SNX9: variants seen among roughly 807,000 people sequenced by gnomAD.
SNX9 encodes the protein sorting nexin-9.
Under a neutral mutation model 89.4 loss-of-function variants are expected in SNX9, and 44 were observed. The ratio of observed to expected loss-of-function variants is 0.49; its 90% CI spans 0.39 to 0.63. The LOEUF (loss-of-function observed/expected upper bound fraction) is 0.63. SNX9 is among the 30% of genes least tolerant of loss of function. The pLI is 0.00. For synonymous variants in SNX9, 236 were observed against 247.8 expected (o/e 0.95, Z 0.45); for missense variants, 578 against 736.1 (o/e 0.79, Z 2.49).
intron 16 of SNX9, 54 bp from the exon 17 acceptor site, chr6:157,940,826 GTGT>G: frequency 1.4e-6 from 2 of 1,455,692 alleles, no homozygotes; most frequent in Non-Finnish European, 1.9e-6. Context: ...GAGAAACCAG[GTGT>G]TGTCATTTGA....
chr6:157,922,874 A>G (rs558659137), intron 10 of SNX9, among the ~76,000 whole-genome samples: 1 of 152,242 alleles, frequency 6.6e-6, no homozygotes, highest in Non-Finnish European at 1.5e-5. Context: ...CTTTGAATTC[A>G]GTAAATATTT....
intron 4 of SNX9, among the ~76,000 whole-genome samples, chr6:157,875,979 C>T (rs908575980): frequency 4.7e-5 from 7 of 148,430 alleles, no homozygotes; most frequent in African/African-American, 1.7e-4. Flanking sequence ...CATCTCCACA[C>T]GTTAAAAAAA....
At chr6:157,841,870 T>C (rs1396154069) in intron 1 of SNX9, among the ~76,000 whole-genome samples, 1 of 152,224 alleles carries the variant, frequency 6.6e-6, no homozygotes, top group Admixed American at 6.5e-5. Flanking sequence ...TTTAACTTTT[T>C]ATTTATAAAA....
At chr6:157,826,502 G>GCA (rs1554290484) in intron 1 of SNX9, among the ~76,000 whole-genome samples, 2 of 78,006 alleles carry the variant, frequency 2.6e-5, no homozygotes, top group African/African-American at 8.4e-5. Flanking sequence ...TCCATCTCAA[G>GCA]AAAAAAAAAA....
At chr6:157,869,282 G>A (rs918145772) in intron 2 of SNX9, among the ~76,000 whole-genome samples, 6 of 152,014 alleles carry the variant, frequency 3.9e-5, no homozygotes, top group African/African-American at 1.2e-4. Context: ...TTGTATTGCC[G>A]TCTCTGTGGT....
At chr6:157,872,877 T>G (rs1414412948) in intron 2 of SNX9, 2 of 372,382 alleles carry the variant, frequency 5.4e-6, no homozygotes, top group Non-Finnish European at 9.7e-6. Flanking sequence ...TTTCAATCTT[T>G]GATCACTTAT....
At chr6:157,835,788 G>A (rs928494090) in intron 1 of SNX9, among the ~76,000 whole-genome samples, 11 of 152,046 alleles carry the variant, frequency 7.2e-5, no homozygotes, top group Non-Finnish European at 1.3e-4. Context: ...GGTTCATGAG[G>A]CCTCCCTAGC....
intron 4 of SNX9, among the ~76,000 whole-genome samples, chr6:157,891,883 C>T (rs553740759): frequency 2.6e-5 from 4 of 152,268 alleles, no homozygotes; most frequent in Admixed American, 2.0e-4. Context: ...TTTGAAGCTT[C>T]AGAGTGAAGG....
chr6:157,840,012 A>G (rs1339408293), intron 1 of SNX9, among the ~76,000 whole-genome samples: 1 of 152,156 alleles, frequency 6.6e-6, no homozygotes, highest in African/African-American at 2.4e-5. Flanking sequence ...AAAACAAGAA[A>G]GCCTCACTGG....
intron 1 of SNX9, among the ~76,000 whole-genome samples, chr6:157,826,587 A>G (rs1379569634): frequency 6.7e-6 from 1 of 149,816 alleles, no homozygotes; most frequent in Non-Finnish European, 1.5e-5. Flanking sequence ...CTTACTCAGT[A>G]GAGTGCTGCA....
chr6:157,864,957 G>A (rs997564789), intron 1 of SNX9, among the ~76,000 whole-genome samples: 1 of 152,098 alleles, frequency 6.6e-6, no homozygotes, highest in Non-Finnish European at 1.5e-5. Context: ...GAATCCAGGA[G>A]GTGGAGGTTG....
intron 17 of SNX9, among the ~76,000 whole-genome samples, chr6:157,941,936 T>C (rs1161125632): frequency 3.3e-5 from 5 of 152,396 alleles, no homozygotes; most frequent in African/African-American, 1.2e-4. Context: ...GGTGCCATTG[T>C]GGATTTGCCT....
intron 4 of SNX9, among the ~76,000 whole-genome samples, chr6:157,895,079 A>G (rs1021156368): frequency 2.0e-5 from 3 of 152,368 alleles, no homozygotes; most frequent in Middle Eastern, 3.4e-3. Context: ...AGAGGAGTCA[A>G]GAGCATGTGC....
At chr6:157,908,761 C>T (rs973169456) in intron 7 of SNX9, among the ~76,000 whole-genome samples, 1 of 152,184 alleles carries the variant, frequency 6.6e-6, no homozygotes, top group Non-Finnish European at 1.5e-5. Context: ...GAGGTCTCTA[C>T]ACCCCCACAT....
chr6:157,912,522 A>C (rs1354925577), intron 9 of SNX9, among the ~76,000 whole-genome samples: 3 of 152,228 alleles, frequency 2.0e-5, no homozygotes, highest in African/African-American at 2.4e-5. Context: ...TTGATTCACT[A>C]ACTGGGATAT....
intron 1 of SNX9, among the ~76,000 whole-genome samples, chr6:157,867,220 G>A (rs1782282488): frequency 6.6e-6 from 1 of 152,148 alleles, no homozygotes; most frequent in Admixed American, 6.5e-5. Flanking sequence ...CTCCCAAGTA[G>A]CAGGGATTGC....
At chr6:157,881,191 T>A (rs2115147774) in intron 4 of SNX9, among the ~76,000 whole-genome samples, 1 of 152,344 alleles carries the variant, frequency 6.6e-6, no homozygotes, top group South Asian at 2.1e-4. Flanking sequence ...TGTTAATTCT[T>A]GCAATGTTTC....
At chr6:157,844,539 A>C (rs191457161) in intron 1 of SNX9, among the ~76,000 whole-genome samples, 178 of 152,026 alleles carry the variant, frequency 1.2e-3, no homozygotes, top group African/African-American at 3.2e-3. Flanking sequence ...TGTAGCCTCC[A>C]GCTACATGAC....
intron 1 of SNX9, among the ~76,000 whole-genome samples, chr6:157,831,046 T>C (rs1378857523): frequency 6.6e-6 from 1 of 152,228 alleles, no homozygotes; most frequent in Non-Finnish European, 1.5e-5. Flanking sequence ...CTATTTCAAA[T>C]CTGCTTATCA....
Sources: gnomAD v4.1 joint callset for allele counts (sites outside exome capture counted in the v4.1 genomes callset) on GRCh38, gnomAD v4.1.1 for gene constraint, MANE v1.5 for transcripts, NCBI Gene and HGNC (gene_info 2026-07-23, HGNC 2026-07-21) for gene names.